The following ZNF425 variants were observed in gnomAD, a reference collection of about 807,000 sequenced individuals.
The protein encoded by ZNF425 is zinc finger protein 425.
ZNF425 carries 21 observed loss-of-function variants against 17.0 expected under a neutral mutation model. That is an observed-to-expected ratio of 1.23 (90% CI 0.88 to 1.78). The LOEUF (loss-of-function observed/expected upper bound fraction) is 1.78. ZNF425 is among the 40% of genes most tolerant of loss of function. The pLI, the probability that ZNF425 is intolerant of heterozygous loss-of-function variation, is 0.00. For missense variants in ZNF425, 868 were observed against 967.3 expected, an observed-to-expected ratio of 0.90 and a Z score of 1.36; for synonymous variants, 433 against 384.1, an observed-to-expected ratio of 1.13 and a Z score of -1.49.
intron 2 of ZNF425, among the ~76,000 whole-genome samples, chr7:149,116,056 G>C (rs1276477314): frequency 1.3e-5 from 2 of 152,170 alleles, no homozygotes; most frequent in Non-Finnish European, 2.9e-5. Flanking sequence ...GACTGGATCA[G>C]CACACAGCTC....
chr7:149,122,379 A>C (rs76379809), intron 1 of ZNF425, among the ~76,000 whole-genome samples: 5,486 of 150,244 alleles, frequency 0.037, 322 homozygotes, highest in African/African-American at 0.13. Flanking sequence ...AGGCTCCGGA[A>C]GTGCTGGGAT....
At chr7:149,106,949 A>C (rs1826090956) in intron 3 of ZNF425, among the ~76,000 whole-genome samples, 1 of 151,946 alleles carries the variant, frequency 6.6e-6, no homozygotes, top group African/African-American at 2.4e-5. Context: ...TCTACTAAAA[A>C]TACACAGATT....
intron 1 of ZNF425, chr7:149,125,637 A>T (rs1451016053): frequency 6.0e-6 from 1 of 166,864 alleles, no homozygotes; most frequent in Non-Finnish European, 1.3e-5. Flanking sequence ...GCCGAGAAAC[A>T]GATCTTTCCC....
At chr7:149,124,787 C>T (rs1389637106) in intron 1 of ZNF425, among the ~76,000 whole-genome samples, 3 of 151,828 alleles carry the variant, frequency 2.0e-5, no homozygotes, top group Non-Finnish European at 2.9e-5. Flanking sequence ...GTGATCCGCC[C>T]GCCTCAGCCT....
chr7:149,113,683 C>CT (rs1826210240), intron 2 of ZNF425, among the ~76,000 whole-genome samples: 1 of 151,114 alleles, frequency 6.6e-6, no homozygotes, highest in Non-Finnish European at 1.5e-5. Flanking sequence ...TCCCGAGTAG[C>CT]TGGGACTACA....
intron 2 of ZNF425, among the ~76,000 whole-genome samples, chr7:149,116,753 C>T (rs1463279829): frequency 6.6e-6 from 1 of 152,126 alleles, no homozygotes; most frequent in African/African-American, 2.4e-5. Context: ...CAGATCCTAC[C>T]ACAGGCTCAG....
chr7:149,120,818 T>C (rs1826337963), intron 1 of ZNF425, among the ~76,000 whole-genome samples: 1 of 152,224 alleles, frequency 6.6e-6, no homozygotes, highest in South Asian at 2.1e-4. Flanking sequence ...TCTTTTTTTA[T>C]TGCCGAGTAG....
chr7:149,109,435 T>C (rs1223779124), intron 3 of ZNF425, among the ~76,000 whole-genome samples: 2 of 152,154 alleles, frequency 1.3e-5, no homozygotes, highest in African/African-American at 2.4e-5. Context: ...CTTCAGTTCA[T>C]GTATGACCCC....
intron 2 of ZNF425, among the ~76,000 whole-genome samples, chr7:149,112,777 C>T (rs1387068226): frequency 1.3e-5 from 2 of 151,796 alleles, no homozygotes; most frequent in African/African-American, 2.4e-5. Context: ...ACTGATCCTC[C>T]CACCTCAGCC....
Position 149,104,193 on chromosome 7 carries a change from C to T in ZNF425, c.1678G>A (p.Asp560Asn), listed in dbSNP as rs267601397. The T allele has an allele frequency of 1.2e-6, 2 of 1,612,862 alleles. No individual in the cohort carries two copies. Among genetic ancestry groups the T allele is most frequent in the Non-Finnish European group, 1.7e-6 (2 of 1,179,384 alleles). ...GAGGCCTTCCAGGAGAAGCTCTTGT[C>T]GCACTCGGGACACTGGAAGGGCTCC... Reference protein sequence around the residue: ...GEEPFQCPECDKSFSWKASMK... With the variant: ...GEEPFQCPECNKSFSWKASMK... Residue 560 changes from aspartate (D) to asparagine (N), a missense_variant, in exon 4 of 4, where the codon GAC (aspartate) becomes AAC (asparagine). Physicochemically the swap from Asp to Asn is conservative, Grantham distance 23. Around this residue, in one of 5 missense-constraint regions of ZNF425, gnomAD observed 437 missense variants for 444.2 expected, o/e 0.98. Transcript: ENST00000378061. This position sits in a 1 kb window ranked among gnomAD's most constrained non-coding sequence, Gnocchi z 4.3.
chr7:149,126,255 C>T lies in ZNF425; in HGVS notation c.-42G>A. 5 of 1,603,006 alleles carry T rather than the reference C, an allele frequency of 3.1e-6. No homozygotes were observed. The highest frequency in any genetic ancestry group is 4.3e-6 in the Non-Finnish European group (5 of 1,175,422). On this transcript the variant is annotated 5_prime_UTR_variant, in exon 1 of 4. Transcript: ENST00000378061. The stretch of plus-strand genomic sequence containing the variant: ...CCGGCCCTGCCTGGCACGGCCTCCC[C>T]TCCGCTCCGCCCCAACCCAACTCCC...
intron 1 of ZNF425, among the ~76,000 whole-genome samples, chr7:149,120,503 T>C (rs911021853): frequency 2.0e-5 from 3 of 152,238 alleles, no homozygotes; most frequent in African/African-American, 4.8e-5. Flanking sequence ...TTTACCAATA[T>C]AGTCATGTGC....
intron 2 of ZNF425, among the ~76,000 whole-genome samples, chr7:149,116,200 TA>T (rs1376117213): frequency 2.6e-5 from 4 of 152,158 alleles, no homozygotes; most frequent in Non-Finnish European, 5.9e-5. Context: ...CCCCATAGTT[TA>T]AAATACCATC....
intron 3 of ZNF425, among the ~76,000 whole-genome samples, chr7:149,107,274 T>C (rs1826094696): frequency 6.6e-6 from 1 of 151,816 alleles, no homozygotes. Context: ...CACTGTAGAA[T>C]TTTTTTCCTT....
rs763083777 is a variant in ZNF425, at chr7:149,104,762, T to G, written c.1109A>C (p.Lys370Thr). 6.2e-7 allele frequency: 1 copy of G among 1,613,156 alleles called. No homozygotes were observed. Among genetic ancestry groups the G allele is most frequent in the South Asian group, 1.1e-5 (1 of 91,060 alleles). ...CCTCTGGTGGGTCTTCAGGGCAGCC[T>G]TCCGGGAGAAGCTCCGGCCACACTC... is the stretch of plus-strand genomic sequence containing the variant. ...CPECGRSFSR[K>T]AALKTHQRTH... The change falls in exon 4 of 4, where the codon AAG (lysine) becomes ACG (threonine). Residue 370 changes from lysine (K) to threonine (T), a missense_variant. This residue lies in a region of ZNF425 where 243 missense variants were observed against 265.2 expected (regional missense o/e 0.92). Coordinates refer to ENST00000378061, the MANE Select transcript of ZNF425 (RefSeq NM_001001661.3). The surrounding 1 kb of genome is among the most constrained non-coding windows in gnomAD (Gnocchi z 4.3).
At position 149,103,585 on chromosome 7, in the gene ZNF425, G is replaced by T; in HGVS notation, c.*27C>A. 1 of 1,550,296 alleles carries T rather than the reference G, an allele frequency of 6.5e-7. No individual in the cohort carries two copies. The highest frequency in any genetic ancestry group is 1.3e-5 in the South Asian group (1 of 79,330). ...GAGCTGCTGGCACCTCCTGAAAGCCGACTGCGTGACTGCTGCATGGCCTGA... is the reference window on the plus strand; with the variant it reads ...GAGCTGCTGGCACCTCCTGAAAGCCTACTGCGTGACTGCTGCATGGCCTGA... On this transcript the variant is annotated 3_prime_UTR_variant, in exon 4 of 4. Coordinates refer to ENST00000378061, the MANE Select transcript of ZNF425 (RefSeq NM_001001661.3).
chr7:149,104,171 G>A lies in ZNF425; in HGVS notation c.1700C>T (p.Ala567Val), dbSNP rs985961827. Residue 567 changes from alanine (A) to valine (V), a missense_variant, in exon 4 of 4, where the codon GCC becomes GTC. By Grantham distance (64) the Ala-to-Val change is moderately conservative. Transcript: ENST00000378061. This position sits in a 1 kb window ranked among gnomAD's most constrained non-coding sequence, Gnocchi z 4.3. ...CATCCGCTGGTGGAACTTCATGGAG[G>A]CCTTCCAGGAGAAGCTCTTGTCGCA... ...PECDKSFSWK[A>V]SMKFHQRMHR... is the part of the protein sequence containing the mutation. The A allele has an allele frequency of 3.7e-6, 6 of 1,610,530 alleles. No individual in the cohort carries two copies. Among genetic ancestry groups the A allele is most frequent in the African/African-American group, 1.3e-5 (1 of 74,094 alleles).
intron 3 of ZNF425, among the ~76,000 whole-genome samples, chr7:149,106,001 G>T (rs1005216113): frequency 2.9e-5 from 4 of 138,456 alleles, no homozygotes; most frequent in African/African-American, 1.1e-4. Context: ...TGTCGCCCAG[G>T]CTGGAGTGCA....
chr7:149,103,560 G>A lies in ZNF425; in HGVS notation c.*52C>T. The A allele has an allele frequency of 6.5e-7, 1 of 1,531,734 alleles. No homozygotes were observed. Among genetic ancestry groups the A allele is most frequent in the East Asian group, 2.3e-5 (1 of 44,362 alleles). 94.9% of individuals were successfully genotyped at this position (1,531,734 alleles called of 1,614,324 possible). A position where few individuals can be genotyped will look rare whatever the true frequency, so the allele number is the denominator to read the frequency against. Reference sequence around the variant, plus strand: ...CAACCTGCCTCAACTTGAGCCAACAGAGCTGCTGGCACCTCCTGAAAGCCG... The same window carrying A: ...CAACCTGCCTCAACTTGAGCCAACAAAGCTGCTGGCACCTCCTGAAAGCCG... On this transcript the variant is annotated 3_prime_UTR_variant, in exon 4 of 4. Coordinates refer to ENST00000378061, the MANE Select transcript of ZNF425 (RefSeq NM_001001661.3).
Sources: gnomAD v4.1 joint callset for allele counts (sites outside exome capture counted in the v4.1 genomes callset) on GRCh38, gnomAD v4.1.1 for gene constraint, gnomAD v4.1.1 regional missense constraint, Gnocchi (gnomAD v3.1) non-coding constraint, MANE v1.5 for transcripts, NCBI Gene and HGNC (gene_info 2026-07-23, HGNC 2026-07-21) for gene names.